ARHGAP29: variants seen among roughly 807,000 people sequenced by gnomAD.
The protein encoded by ARHGAP29 is Rho GTPase activating protein 29.
ARHGAP29 carries 43 observed loss-of-function variants against 122.6 expected under a neutral mutation model. The observed-to-expected ratio is 0.35, with a 90% CI of 0.27 to 0.45. The LOEUF is 0.45. ARHGAP29 is among the 20% of genes least tolerant of loss of function. The pLI, the probability that ARHGAP29 is intolerant of heterozygous loss-of-function variation, is 1.00. For missense variants in ARHGAP29, 1,303 were observed against 1,477.2 expected (o/e 0.88, Z 1.93); for synonymous variants, 506 against 497.1 (o/e 1.02, Z -0.24).
intron 1 of ARHGAP29, among the ~76,000 whole-genome samples, chr1:94,257,226 AC>A (rs1181560231): frequency 1.3e-5 from 2 of 151,302 alleles, no homozygotes. Flanking sequence ...ACATTGTGAA[AC>A]CCCGTCTCTA....
At chr1:94,214,284 C>T (rs970196638) in intron 3 of ARHGAP29, among the ~76,000 whole-genome samples, 3 of 152,186 alleles carry the variant, frequency 2.0e-5, no homozygotes, top group African/African-American at 7.2e-5. Context: ...TCTATCTGTA[C>T]ACAATCTGTA....
intron 19 of ARHGAP29, among the ~76,000 whole-genome samples, chr1:94,181,391 T>A (rs181653401): frequency 6.6e-6 from 1 of 152,186 alleles, no homozygotes; most frequent in Non-Finnish European, 1.5e-5. Flanking sequence ...ATGGGCAATG[T>A]CAAACACAAA....
chr1:94,294,275 C>T, the ARHGAP29 span, among the ~76,000 whole-genome samples: 9 of 151,850 alleles, frequency 5.9e-5, no homozygotes, highest in Non-Finnish European at 8.8e-5. Flanking sequence ...TGCACACACA[C>T]ACACACACGC....
At chr1:94,180,811 C>T (rs1649408349) in intron 19 of ARHGAP29, among the ~76,000 whole-genome samples, 3 of 152,176 alleles carry the variant, frequency 2.0e-5, no homozygotes, top group Admixed American at 6.5e-5. Flanking sequence ...ATGAAAGTCT[C>T]GGTCACATAA....
chr1:94,281,415 G>A, the ARHGAP29 span, among the ~76,000 whole-genome samples: 1 of 152,156 alleles, frequency 6.6e-6, no homozygotes, highest in African/African-American at 2.4e-5. Flanking sequence ...CAGGAGGTGT[G>A]CTAGAGGCTG....
chr1:94,313,934 T>C, the ARHGAP29 span, among the ~76,000 whole-genome samples: 26 of 152,186 alleles, frequency 1.7e-4, no homozygotes, highest in East Asian at 4.5e-3. Context: ...ATGAGAACAC[T>C]TGGACACAGG....
chr1:94,207,961 T>C (rs897948739), intron 5 of ARHGAP29, among the ~76,000 whole-genome samples: 1 of 152,018 alleles, frequency 6.6e-6, no homozygotes, highest in Non-Finnish European at 1.5e-5. Flanking sequence ...CCCTCTCAGC[T>C]TCCCTTTCAA....
chr1:94,185,598 G>A, intron 16 of ARHGAP29, 117 bp from the exon 17 acceptor site: 2 of 912,476 alleles, frequency 2.2e-6, no homozygotes, highest in Non-Finnish European at 3.0e-6. Flanking sequence ...AAAAAGCTTT[G>A]AATCTCTAAT....
upstream of ARHGAP29, among the ~76,000 whole-genome samples, chr1:94,276,075 T>G (rs2100741393): frequency 6.6e-6 from 1 of 152,098 alleles, no homozygotes; most frequent in South Asian, 2.1e-4. Context: ...CTAGCCAACA[T>G]GGCAAAACCC....
chr1:94,198,145 A>G (rs1650588428), intron 12 of ARHGAP29, among the ~76,000 whole-genome samples: 1 of 151,936 alleles, frequency 6.6e-6, no homozygotes, highest in African/African-American at 2.4e-5. Context: ...AAAATATAAA[A>G]CCAACACACA....
rs141038643 is a variant in ARHGAP29, at chr1:94,272,576, G to A, written c.-33+2436C>T. Reference sequence around the variant, plus strand: ...TCCAAGCCAGTGATTGAAATGGGAAGTACTACAGCTGGGTCATTTATGCCT... The same window carrying A: ...TCCAAGCCAGTGATTGAAATGGGAAATACTACAGCTGGGTCATTTATGCCT... On this transcript the variant is annotated intron_variant and NMD_transcript_variant, in intron 1 of 25. Transcript: ENST00000552844. 3.9e-5 allele frequency among the ~76,000 whole-genome samples: 6 copies of A among 152,334 alleles called. No individual in the cohort carries two copies. In the East Asian group the frequency reaches 1.2e-3, roughly 29 times the overall value.
At chr1:94,239,137 G>A (rs988674686), upstream of ARHGAP29, among the ~76,000 whole-genome samples, 3 of 151,960 alleles carry the variant, frequency 2.0e-5, no homozygotes, top group Admixed American at 6.6e-5. Flanking sequence ...AGAAAAATGC[G>A]CCAAGGACTC....
At chr1:94,196,364 C>T (rs1471746083) in intron 12 of ARHGAP29, among the ~76,000 whole-genome samples, 2 of 148,818 alleles carry the variant, frequency 1.3e-5, no homozygotes, top group Non-Finnish European at 3.0e-5. Flanking sequence ...CGGGTTCACG[C>T]CATTCTCCTG....
intron 20 of ARHGAP29, among the ~76,000 whole-genome samples, chr1:94,178,982 A>G (rs1352229061): frequency 1.3e-5 from 2 of 152,038 alleles, no homozygotes; most frequent in Non-Finnish European, 2.9e-5. Context: ...GTCTGATTCA[A>G]GGGCTATCTC....
intron 22 of ARHGAP29, among the ~76,000 whole-genome samples, chr1:94,175,209 TATG>T (rs1395252856): frequency 2.0e-5 from 3 of 152,218 alleles, no homozygotes; most frequent in East Asian, 1.9e-4. Context: ...AGTGAGAGCA[TATG>T]ATATTAGATG....
intron 1 of ARHGAP29, among the ~76,000 whole-genome samples, chr1:94,232,932 GT>G (rs79225178): frequency 0.013 from 1,727 of 136,918 alleles, 26 homozygotes; most frequent in African/African-American, 0.039. Flanking sequence ...AAGTTTTTTG[GT>G]TTTTTTTTTT....
chr1:94,276,291 A>G (rs1418494851), upstream of ARHGAP29, among the ~76,000 whole-genome samples: 2 of 152,110 alleles, frequency 1.3e-5, no homozygotes, highest in African/African-American at 4.8e-5. Flanking sequence ...CCATCTGGAT[A>G]TTAAGTTATT....
upstream of ARHGAP29, among the ~76,000 whole-genome samples, chr1:94,241,686 T>C (rs896101618): frequency 8.1e-6 from 1 of 123,762 alleles, no homozygotes; most frequent in African/African-American, 3.1e-5. Flanking sequence ...ATATATATAA[T>C]TTATATATGT....
chr1:94,221,554 C>T (rs1169003529), intron 2 of ARHGAP29, among the ~76,000 whole-genome samples: 11 of 42,926 alleles, frequency 2.6e-4, no homozygotes. Context: ...TATTTTTATA[C>T]ATATGTATAT....
Sources: allele counts gnomAD v4.1 joint callset (sites outside exome capture counted in the v4.1 genomes callset), GRCh38; gene constraint gnomAD v4.1.1; transcripts MANE v1.5; gene names NCBI Gene and HGNC (gene_info 2026-07-23, HGNC 2026-07-21).